The following TRPC5 variants were observed in gnomAD, a reference collection of about 807,000 sequenced individuals.
TRPC5 encodes the protein transient receptor potential cation channel subfamily C member 5, also known as short transient receptor potential channel 5.
In TRPC5, 9 loss-of-function variants were observed where a neutral mutation model predicts 56.5. That is an observed-to-expected ratio of 0.16 (90% CI 0.10 to 0.28). The LOEUF (loss-of-function observed/expected upper bound fraction) is 0.28, where lower values mean the gene tolerates loss of function less well. Ranked by LOEUF, TRPC5 falls within the 10% of genes least tolerant of loss-of-function variation. The pLI is 1.00. For missense variants in TRPC5, 469 were observed against 748.9 expected, an observed-to-expected ratio of 0.63 and a Z score of 4.36; for synonymous variants, 282 against 278.5, an observed-to-expected ratio of 1.01 and a Z score of -0.13.
intron 1 of TRPC5, among the ~76,000 whole-genome samples, chrX:111,990,487 T>G (rs779394397): frequency 2.2e-4 from 24 of 111,338 alleles, no homozygotes; most frequent in African/African-American, 6.2e-4. Flanking sequence ...GTTGCAACAG[T>G]ATCTCAAAAT....
In TRPC5 at chrX:111,881,146, GTTTATTTTATTTTATTTTAT is replaced by G. The variant is rs747702186; in HGVS notation, c.901-27060_901-27041del. Among the ~76,000 whole-genome samples, 18 of 101,152 alleles carry G rather than the reference GTTTATTTTATTTTATTTTAT, an allele frequency of 1.8e-4. No individual in the cohort carries two copies. In the South Asian group the frequency reaches 5.0e-3, roughly 28 times the overall value. The allele number at this position is 101,152 out of a possible 115,157, so 87.8% of individuals were successfully genotyped here. ...TGCTGTTGTTTTGTGATTTTCTTTT[GTTTATTTTATTTTATTTTAT>G]TTTATTTTATTTTATTTTATTTTAT... On this transcript the variant is annotated intron_variant, in intron 3 of 10. Coordinates refer to ENST00000262839, the MANE Select transcript of TRPC5 (RefSeq NM_012471.3).
At chrX:112,013,625 A>C (rs1240701721) in intron 1 of TRPC5, among the ~76,000 whole-genome samples, 1 of 110,878 alleles carries the variant, frequency 9.0e-6, no homozygotes, top group East Asian at 2.8e-4. Flanking sequence ...GATATGTCTG[A>C]CTCCTGCTTC....
chrX:111,872,823 C>T (rs965255993), intron 3 of TRPC5, among the ~76,000 whole-genome samples: 2 of 111,850 alleles, frequency 1.8e-5, no homozygotes, highest in Non-Finnish European at 3.8e-5. Flanking sequence ...CATCTCATAC[C>T]AGTCAGAATG....
At chrX:111,944,303 T>TGTGTGTGTGTGAAAGAGAGA (rs1173179815) in intron 2 of TRPC5, among the ~76,000 whole-genome samples, 9 of 61,393 alleles carry the variant, frequency 1.5e-4, no homozygotes, top group African/African-American at 9.5e-4. Context: ...TGTGTGTGTG[T>TGTGTGTGTGTGAAAGAGAGA]GAGAGAGAGA....
intron 2 of TRPC5, among the ~76,000 whole-genome samples, chrX:111,921,057 G>A (rs1926114885): frequency 9.0e-6 from 1 of 111,729 alleles, no homozygotes; most frequent in Non-Finnish European, 1.9e-5. Context: ...TTATTGCCTT[G>A]TGGATATAGA....
chrX:111,925,445 A>G (rs1462720838), intron 2 of TRPC5, among the ~76,000 whole-genome samples: 1 of 112,413 alleles, frequency 8.9e-6, no homozygotes, highest in Non-Finnish European at 1.9e-5. Flanking sequence ...CCCTTTTGAG[A>G]ACATCTTTAC....
intron 1 of TRPC5, among the ~76,000 whole-genome samples, chrX:112,065,654 A>T (rs1000664463): frequency 5.4e-5 from 6 of 111,593 alleles, no homozygotes; most frequent in African/African-American, 1.6e-4. Context: ...ACTTTGGGAG[A>T]CAGAGGCGGG....
chrX:112,023,260 T>G (rs888805062), intron 1 of TRPC5, among the ~76,000 whole-genome samples: 18 of 100,119 alleles, frequency 1.8e-4, no homozygotes, highest in East Asian at 9.2e-4. Context: ...TTTTTTTTTT[T>G]TTTTTTTTTT....
intron 7 of TRPC5, among the ~76,000 whole-genome samples, chrX:111,830,848 G>A (rs1027626398): frequency 8.9e-6 from 1 of 112,236 alleles, no homozygotes; most frequent in African/African-American, 3.2e-5. Context: ...TTCTGCTACC[G>A]GTTGGAGAAA....
intron 1 of TRPC5, among the ~76,000 whole-genome samples, chrX:111,981,680 C>T (rs1285023246): frequency 8.9e-6 from 1 of 111,812 alleles, no homozygotes; most frequent in Admixed American, 9.6e-5. Context: ...TCACTAACCC[C>T]TTTTCTAGAA....
At chrX:111,922,828 C>T (rs1425430967) in intron 2 of TRPC5, among the ~76,000 whole-genome samples, 3 of 111,646 alleles carry the variant, frequency 2.7e-5, no homozygotes, top group African/African-American at 9.8e-5. Context: ...TTGATACATA[C>T]AGATCAATTA....
At chrX:111,967,743 A>G (rs1188765335) in intron 1 of TRPC5, among the ~76,000 whole-genome samples, 1 of 111,671 alleles carries the variant, frequency 9.0e-6, no homozygotes, top group East Asian at 2.8e-4. Context: ...TATTTAATAA[A>G]TGGTGCTGGG....
At chrX:111,895,841 A>G (rs1454442788) in intron 3 of TRPC5, 1 of 111,127 alleles carries the variant, frequency 9.0e-6, no homozygotes, top group African/African-American at 3.3e-5. Context: ...ACTAGCCTTT[A>G]TTTATTCTTA....
intron 3 of TRPC5, among the ~76,000 whole-genome samples, chrX:111,857,791 T>C (rs189237650): frequency 3.5e-5 from 4 of 112,756 alleles, no homozygotes; most frequent in African/African-American, 1.3e-4. Context: ...CCTATGCTAC[T>C]GCATCAGCCT....
rs148118559 is a variant in TRPC5, at chrX:111,855,145, A to G, written c.901-1039T>C. On this transcript the variant is annotated intron_variant, in intron 3 of 10. Coordinates refer to ENST00000262839, the MANE Select transcript of TRPC5 (RefSeq NM_012471.3). ...ACAAAGGAAATAAACCTCTTTCATC[A>G]TTTACCCAACACCAAAGGTAAACTT... 9.3e-3 allele frequency among the ~76,000 whole-genome samples: 1,040 copies of G among 112,087 alleles called. 9 individuals are homozygous for G. The highest frequency in any genetic ancestry group is 0.032 in the African/African-American group (990 of 30,880).
intron 7 of TRPC5, among the ~76,000 whole-genome samples, chrX:111,832,515 A>G (rs977674278): frequency 1.8e-5 from 2 of 112,055 alleles, no homozygotes; most frequent in African/African-American, 6.5e-5. Context: ...TGAAGCAGAG[A>G]TGTTGCAAAT....
At chrX:112,040,232 T>G (rs754376770) in intron 1 of TRPC5, among the ~76,000 whole-genome samples, 1 of 112,324 alleles carries the variant, frequency 8.9e-6, no homozygotes, top group South Asian at 3.7e-4. Flanking sequence ...TAATAAGAAT[T>G]GATGTGTTCG....
chrX:111,940,149 A>C lies in TRPC5; in HGVS notation c.378+11894T>G, dbSNP rs1926728334. On this transcript the variant is annotated intron_variant, in intron 2 of 10. Coordinates refer to ENST00000262839, the MANE Select transcript of TRPC5 (RefSeq NM_012471.3). ...TAATTTCTATAGGTTCATGTATCTC[A>C]AGATAGGAGCTATCATCCCACTATT... Among the ~76,000 whole-genome samples, 3 of 111,973 alleles carry C rather than the reference A, an allele frequency of 2.7e-5. No homozygotes were observed. The East Asian group carries it at 8.5e-4, about 32-fold the overall frequency.
At chrX:111,869,733 T>C (rs983043047) in intron 3 of TRPC5, among the ~76,000 whole-genome samples, 2 of 111,894 alleles carry the variant, frequency 1.8e-5, no homozygotes, top group African/African-American at 6.5e-5. Flanking sequence ...TTAAGACTAA[T>C]GCAATGGCTT....
Sources: gnomAD v4.1 joint callset for allele counts (sites outside exome capture counted in the v4.1 genomes callset) on GRCh38, gnomAD v4.1.1 for gene constraint, MANE v1.5 for transcripts, NCBI Gene and HGNC (gene_info 2026-07-23, HGNC 2026-07-21) for gene names.